Variants in SLC13A1 observed in about 807,000 individuals in gnomAD.
SLC13A1 encodes the protein solute carrier family 13 member 1.
In SLC13A1, 65 loss-of-function variants were observed where a neutral mutation model predicts 70.0. The ratio of observed to expected loss-of-function variants is 0.93; its 90% CI spans 0.76 to 1.14. SLC13A1 has a LOEUF of 1.14. Ranked by LOEUF, SLC13A1 falls within the 50% of genes most tolerant of loss-of-function variation. SLC13A1 has a pLI of 0.00. For synonymous variants in SLC13A1, 275 were observed against 250.5 expected (o/e 1.10, Z -0.92); for missense variants, 726 against 717.8 (o/e 1.01, Z -0.13).
chr7:123,124,471 T>C (rs1383461581), intron 11 of SLC13A1, among the ~76,000 whole-genome samples: 2 of 152,230 alleles, frequency 1.3e-5, no homozygotes, highest in Admixed American at 6.5e-5. Flanking sequence ...TAGTCATTTA[T>C]AGATTCTGAC....
At chr7:123,167,020 C>T in intron 6 of SLC13A1, among the ~76,000 whole-genome samples, 1 of 151,656 alleles carries the variant, frequency 6.6e-6, no homozygotes, top group African/African-American at 2.4e-5. Context: ...GTTAGAATGG[C>T]GATCATTAAA....
At chr7:123,136,159 C>G (rs1793942282) in intron 7 of SLC13A1, among the ~76,000 whole-genome samples, 2 of 152,166 alleles carry the variant, frequency 1.3e-5, no homozygotes, top group Non-Finnish European at 2.9e-5. Flanking sequence ...ATCTGTGGCT[C>G]ATATCTTGAA....
intron 3 of SLC13A1, 105 bp downstream of exon 3, chr7:123,171,663 T>C: frequency 8.8e-7 from 1 of 1,140,152 alleles, no homozygotes; most frequent in Non-Finnish European, 1.3e-6. Context: ...AGTCAGACTG[T>C]GATACAAAGA....
chr7:123,149,290 C>G (rs1331112269), intron 6 of SLC13A1, among the ~76,000 whole-genome samples: 1 of 152,164 alleles, frequency 6.6e-6, no homozygotes, highest in African/African-American at 2.4e-5. Flanking sequence ...AGTGACAGTG[C>G]AGCTGAAACT....
chr7:123,138,930 A>C (rs537104011), intron 7 of SLC13A1, among the ~76,000 whole-genome samples: 9 of 152,064 alleles, frequency 5.9e-5, no homozygotes, highest in East Asian at 5.8e-4. Context: ...ATGTGATGCT[A>C]TTTGTCCATT....
chr7:123,180,956 T>C lies in SLC13A1; in HGVS notation c.228+17A>G, dbSNP rs1464739292. 4.4e-6 allele frequency: 7 copies of C among 1,599,100 alleles called. No individual in the cohort carries two copies. The Admixed American group carries it at 8.8e-5, about 20-fold the overall frequency. ...CAAAACAGGAAATCAACTTATGACA[T>C]TGGCAAGAGGACTTACCTTCTTAGA... On this transcript the variant is annotated intron_variant, in intron 2 of 14. Transcript: ENST00000194130.
intron 1 of SLC13A1, among the ~76,000 whole-genome samples, chr7:123,189,384 C>T (rs1282260943): frequency 6.6e-6 from 1 of 152,010 alleles, no homozygotes; most frequent in Non-Finnish European, 1.5e-5. Context: ...TTGTCCTCTC[C>T]CTCTCCCACT....
At chr7:123,198,879 A>C (rs2116705174) in intron 1 of SLC13A1, among the ~76,000 whole-genome samples, 1 of 152,180 alleles carries the variant, frequency 6.6e-6, no homozygotes, top group Admixed American at 6.5e-5. Context: ...ACCCAAGGAG[A>C]CTGGCACTGC....
chr7:123,139,602 T>C (rs1239939333), intron 7 of SLC13A1, among the ~76,000 whole-genome samples: 16 of 152,036 alleles, frequency 1.1e-4, no homozygotes, highest in Non-Finnish European at 1.5e-5. Flanking sequence ...CCATGTTTTA[T>C]AGTTTATATT....
At position 123,197,333 on chromosome 7, in the gene SLC13A1, G is replaced by C. The variant is rs561018935; in HGVS notation, c.99+2515C>G. Among the ~76,000 whole-genome samples the C allele has an allele frequency of 4.8e-4, 73 of 152,172 alleles. 1 individual carries two copies. The highest frequency in any genetic ancestry group is 1.7e-3 in the African/African-American group (69 of 41,542). Reference sequence around the variant, plus strand: ...ATTTTTTATAATTGTGGTTTTGAAAGAGAAACTTGGATTTTTGTTTCCATT... The same window carrying C: ...ATTTTTTATAATTGTGGTTTTGAAACAGAAACTTGGATTTTTGTTTCCATT... On this transcript the variant is annotated intron_variant, in intron 1 of 14. Transcript: ENST00000194130.
At chr7:123,130,593 T>A (rs1037524706) in intron 8 of SLC13A1, among the ~76,000 whole-genome samples, 2 of 152,050 alleles carry the variant, frequency 1.3e-5, no homozygotes, top group African/African-American at 4.8e-5. Flanking sequence ...AGCATCAAGA[T>A]AAACAGGTAA....
chr7:123,193,931 T>TAC (rs1175025182), intron 1 of SLC13A1, among the ~76,000 whole-genome samples: 14 of 152,092 alleles, frequency 9.2e-5, no homozygotes, highest in African/African-American at 2.7e-4. Flanking sequence ...GAAGTTCCCC[T>TAC]CTTTCATCAA....
At position 123,166,228 on chromosome 7, in the gene SLC13A1, G is replaced by A. The variant is rs1448288958; in HGVS notation, c.660+2146C>T. On this transcript the variant is annotated intron_variant, in intron 6 of 14. Transcript: ENST00000194130. ...CAAAAGACCTGCCTACAATGCCTGGGACAGTATTTGGATATCAAATCAATT... is the reference window on the plus strand; with the variant it reads ...CAAAAGACCTGCCTACAATGCCTGGAACAGTATTTGGATATCAAATCAATT... Among the ~76,000 whole-genome samples, 3 of 151,982 alleles carry A rather than the reference G, an allele frequency of 2.0e-5. No homozygotes were observed. The East Asian group carries it at 5.8e-4, about 29-fold the overall frequency.
chr7:123,182,778 C>A (rs1252444807), intron 1 of SLC13A1, among the ~76,000 whole-genome samples: 1 of 152,024 alleles, frequency 6.6e-6, no homozygotes, highest in Non-Finnish European at 1.5e-5. Context: ...GAATAAAAAG[C>A]AAAATTTCAA....
chr7:123,160,345 T>C (rs554299237), intron 6 of SLC13A1, among the ~76,000 whole-genome samples: 2 of 149,220 alleles, frequency 1.3e-5, no homozygotes, highest in South Asian at 2.1e-4. Context: ...AAAATTAAGA[T>C]AGATGAAGAG....
intron 12 of SLC13A1, among the ~76,000 whole-genome samples, chr7:123,120,443 A>G (rs1793337245): frequency 6.6e-6 from 1 of 152,006 alleles, no homozygotes; most frequent in Non-Finnish European, 1.5e-5. Context: ...GCCTGGTCAT[A>G]TTCTGCTCCT....
At chr7:123,192,052 C>T (rs2116672471) in intron 1 of SLC13A1, among the ~76,000 whole-genome samples, 1 of 152,222 alleles carries the variant, frequency 6.6e-6, no homozygotes, top group Middle Eastern at 3.4e-3. Context: ...GTTCCCTTTT[C>T]TCTGTTCTCT....
chr7:123,197,805 TA>T (rs541949553), intron 1 of SLC13A1, among the ~76,000 whole-genome samples: 88 of 152,240 alleles, frequency 5.8e-4, no homozygotes, highest in African/African-American at 2.1e-3. Flanking sequence ...CTGCATTTCT[TA>T]AAAATAATAC....
chr7:123,122,177 A>G (rs1300094177), intron 12 of SLC13A1, among the ~76,000 whole-genome samples: 2 of 152,104 alleles, frequency 1.3e-5, no homozygotes, highest in Non-Finnish European at 2.9e-5. Flanking sequence ...AAAAATTGTC[A>G]ATAAAGTTAG....
Sources: allele counts gnomAD v4.1 joint callset (sites outside exome capture counted in the v4.1 genomes callset), GRCh38; gene constraint gnomAD v4.1.1; transcripts MANE v1.5; gene names NCBI Gene and HGNC (gene_info 2026-07-23, HGNC 2026-07-21).